The following DNAH6 variants were observed in gnomAD, a reference collection of about 807,000 sequenced individuals.
The protein encoded by DNAH6 is dynein axonemal heavy chain 6, also known as axonemal beta dynein heavy chain 6.
A neutral mutation model predicts 491.4 loss-of-function variants in DNAH6; 340 were observed. The ratio of observed to expected loss-of-function variants is 0.69; its 90% CI spans 0.63 to 0.76. The LOEUF is 0.76. DNAH6 is among the 30% of genes least tolerant of loss of function. DNAH6 has a pLI of 0.00. For synonymous variants in DNAH6, 1,603 were observed against 1,686.1 expected (o/e 0.95, Z 1.21); for missense variants, 4,443 against 4,972.2 (o/e 0.89, Z 3.20).
chr2:84,539,962 G>A (rs1452181188), intron 4 of DNAH6, among the ~76,000 whole-genome samples: 3 of 152,146 alleles, frequency 2.0e-5, no homozygotes, highest in Non-Finnish European at 4.4e-5. Context: ...GATAAATGCA[G>A]AACTCAGGAA....
intron 2 of DNAH6, among the ~76,000 whole-genome samples, chr2:84,523,396 C>T (rs570288398): frequency 1.3e-4 from 20 of 151,992 alleles, no homozygotes; most frequent in African/African-American, 4.6e-4. Context: ...TTAATGTCTT[C>T]AAAAAACCAA....
chr2:84,525,709 G>T lies in DNAH6; in HGVS notation c.370G>T (p.Glu124Ter). The part of the protein sequence containing the change: ...SFATSSTQFL[E>*]HQDAVKKMQI... Reference sequence around the variant, plus strand: ...TGCCACATCATCTACTCAGTTTCTTGAGCATCAAGATGCTGTGAAAAAAAT... The same window carrying T: ...TGCCACATCATCTACTCAGTTTCTTTAGCATCAAGATGCTGTGAAAAAAAT... The change falls in exon 3 of 77, where the codon GAG becomes TAG. Residue 124 changes from glutamate (E) to a stop codon, truncating the protein, a stop_gained. Transcript: ENST00000389394. LOFTEE classifies it high-confidence loss of function. The T allele has an allele frequency of 6.5e-7, 1 of 1,544,776 alleles. No homozygotes were observed. Among genetic ancestry groups the T allele is most frequent in the South Asian group, 1.2e-5 (1 of 82,726 alleles).
At chr2:84,729,762 C>T (rs1400200002) in intron 61 of DNAH6, among the ~76,000 whole-genome samples, 2 of 152,078 alleles carry the variant, frequency 1.3e-5, no homozygotes, top group Non-Finnish European at 2.9e-5. Flanking sequence ...TGATTCTTGA[C>T]TAATAATTTT....
chr2:84,672,238 C>T lies in DNAH6; in HGVS notation c.6455-89C>T, dbSNP rs1692804856. 2.3e-6 allele frequency: 3 copies of T among 1,321,062 alleles called. No homozygotes were observed. The East Asian group carries it at 7.6e-5, about 33-fold the overall frequency. 81.8% of individuals were successfully genotyped at this position (1,321,062 alleles called of 1,614,324 possible). On this transcript the variant is annotated intron_variant, in intron 39 of 76. Transcript: ENST00000389394. ...GAGCTCTTTATGACCTGTAGGATGT[C>T]ATTGAGTCCAAAGTCATACCCTAGC...
the DNAH6 span, among the ~76,000 whole-genome samples, chr2:84,467,937 C>T: frequency 3.0e-4 from 46 of 152,076 alleles, no homozygotes; most frequent in South Asian, 1.9e-3. Context: ...TTAATCTGAC[C>T]TGCATAATTT....
the DNAH6 span, among the ~76,000 whole-genome samples, chr2:84,485,694 C>G: frequency 6.6e-6 from 1 of 152,042 alleles, no homozygotes; most frequent in South Asian, 2.1e-4. Context: ...TCCTAAAGGC[C>G]AATTATGTGC....
intron 26 of DNAH6, 139 bp from the exon 27 acceptor site, chr2:84,624,126 C>A: frequency 1.4e-6 from 1 of 713,030 alleles, no homozygotes; most frequent in South Asian, 2.1e-5. Context: ...AAGTATTGTC[C>A]TGTTTGGTCA....
intron 21 of DNAH6, 52 bp downstream of exon 21, chr2:84,607,147 G>A: frequency 1.4e-6 from 2 of 1,478,822 alleles, no homozygotes; most frequent in Non-Finnish European, 1.8e-6. Context: ...AGAGTCACAA[G>A]GACCTTAGAA....
At chr2:84,769,919 A>G (rs1417396754) in intron 64 of DNAH6, among the ~76,000 whole-genome samples, 2 of 152,214 alleles carry the variant, frequency 1.3e-5, no homozygotes, top group African/African-American at 2.4e-5. Context: ...GTGTGTACTC[A>G]CAAAAGACAT....
At chr2:84,602,154 T>A (rs1685310396) in intron 18 of DNAH6, among the ~76,000 whole-genome samples, 1 of 152,048 alleles carries the variant, frequency 6.6e-6, no homozygotes, top group Admixed American at 6.6e-5. Flanking sequence ...AATTTTACTT[T>A]ACCAGTATTA....
chr2:84,798,986 T>A (rs1437298583), intron 70 of DNAH6, among the ~76,000 whole-genome samples: 1 of 148,080 alleles, frequency 6.8e-6, no homozygotes, highest in East Asian at 2.0e-4. Context: ...TTTTTTTCTT[T>A]CCTTTTTTTT....
At chr2:84,657,036 T>G (rs1246711677) in intron 35 of DNAH6, among the ~76,000 whole-genome samples, 2 of 152,044 alleles carry the variant, frequency 1.3e-5, no homozygotes, top group Admixed American at 1.3e-4. Flanking sequence ...TCTAGATTTG[T>G]TTTTTTGCAT....
At chr2:84,515,878 A>C (rs1675556930), upstream of DNAH6, among the ~76,000 whole-genome samples, 2 of 152,230 alleles carry the variant, frequency 1.3e-5, no homozygotes, top group South Asian at 4.1e-4. Flanking sequence ...CACGGGAACC[A>C]AGTAATACGG....
chr2:84,583,851 A>C, intron 14 of DNAH6, 148 bp from the exon 15 acceptor site: 1 of 803,338 alleles, frequency 1.2e-6, no homozygotes, highest in Non-Finnish European at 1.9e-6. Flanking sequence ...TTTATAAATT[A>C]CCCAGTCTTA....
chr2:84,784,491 C>T (rs1350414415), intron 65 of DNAH6, among the ~76,000 whole-genome samples: 1 of 152,144 alleles, frequency 6.6e-6, no homozygotes, highest in African/African-American at 2.4e-5. Flanking sequence ...TTTATTTACC[C>T]AAATGTGCCT....
chr2:84,777,134 T>G (rs1171720308), intron 64 of DNAH6: 1 of 163,316 alleles, frequency 6.1e-6, no homozygotes, highest in Non-Finnish European at 1.3e-5. Flanking sequence ...TTAGGAGATA[T>G]ACCCAATGTA....
At chr2:84,702,542 C>CTTTTT (rs34867074) in intron 49 of DNAH6, among the ~76,000 whole-genome samples, 1 of 132,480 alleles carries the variant, frequency 7.5e-6, no homozygotes, top group Non-Finnish European at 1.6e-5. Flanking sequence ...TTTGAACCAG[C>CTTTTT]TTTTTTTTTT....
At chr2:84,460,275 T>G in the DNAH6 span, among the ~76,000 whole-genome samples, 4 of 152,206 alleles carry the variant, frequency 2.6e-5, no homozygotes, top group African/African-American at 9.6e-5. Flanking sequence ...GATCCAAATA[T>G]TGTCATTAAC....
chr2:84,538,591 A>T (rs1346662106), intron 4 of DNAH6, among the ~76,000 whole-genome samples: 1 of 152,134 alleles, frequency 6.6e-6, no homozygotes, highest in African/African-American at 2.4e-5. Flanking sequence ...AGAACATTAG[A>T]CCTAAATGAT....
Sources: gnomAD v4.1 joint callset for allele counts (sites outside exome capture counted in the v4.1 genomes callset) on GRCh38, gnomAD v4.1.1 for gene constraint, MANE v1.5 for transcripts, NCBI Gene and HGNC (gene_info 2026-07-23, HGNC 2026-07-21) for gene names.